ABAT: variants seen among roughly 807,000 people sequenced by gnomAD.
ABAT encodes 4-aminobutyrate aminotransferase, mitochondrial.
A neutral mutation model predicts 64.6 loss-of-function variants in ABAT; 45 were observed. The observed-to-expected ratio is 0.70, with a 90% CI of 0.55 to 0.89. ABAT has a LOEUF of 0.89. Among genes scored for constraint, ABAT ranks in the 40% least tolerant of loss-of-function variants. ABAT has a pLI of 0.00. For missense variants in ABAT, 633 were observed against 658.4 expected (o/e 0.96, Z 0.42); for synonymous variants, 297 against 250.5 (o/e 1.19, Z -1.75).
intron 1 of ABAT, among the ~76,000 whole-genome samples, chr16:8,708,044 C>G (rs1316188798): frequency 1.3e-5 from 2 of 152,200 alleles, no homozygotes; most frequent in African/African-American, 4.8e-5. Flanking sequence ...AACCAGTGGA[C>G]TTCCTGATAT....
rs909908041 is a variant in ABAT, at chr16:8,776,224, T to G, written c.1123-120T>G. Reference sequence around the variant, plus strand: ...GGTGTGTTCCCCTGCCAGCCTCTGGTAGATGCCCACTAGATTAGTTTCTCT... The same window carrying G: ...GGTGTGTTCCCCTGCCAGCCTCTGGGAGATGCCCACTAGATTAGTTTCTCT... On this transcript the variant is annotated intron_variant, in intron 13 of 15. Transcript: ENST00000268251. This position sits in a 1 kb window ranked among gnomAD's most constrained non-coding sequence, Gnocchi z 4.4. 7.2e-7 allele frequency: 1 copy of G among 1,387,224 alleles called. No homozygotes were observed. The highest frequency in any genetic ancestry group is 1.4e-5 in the African/African-American group (1 of 70,546). 85.9% of individuals were successfully genotyped at this position (1,387,224 alleles called of 1,614,324 possible).
Position 8,764,729 on chromosome 16 carries a change from T to G in ABAT, c.448-9T>G. 2 of 1,613,694 alleles carry G rather than the reference T, an allele frequency of 1.2e-6. No homozygotes were observed. Among genetic ancestry groups the G allele is most frequent in the Non-Finnish European group, 1.7e-6 (2 of 1,179,734 alleles). ...GAGCCTGGGCTCACGGCTATTTCCC[T>G]CCCCACAGGTGGCTCCCAAAGGGAT... is the stretch of plus-strand genomic sequence containing the variant. On this transcript the variant is annotated splice_polypyrimidine_tract_variant and intron_variant, in intron 7 of 15. Transcript: ENST00000268251. This position sits in a 1 kb window ranked among gnomAD's most constrained non-coding sequence, Gnocchi z 4.2.
intron 1 of ABAT, among the ~76,000 whole-genome samples, chr16:8,712,404 G>A (rs541756283): frequency 6.6e-6 from 1 of 152,172 alleles, no homozygotes; most frequent in Admixed American, 6.5e-5. Flanking sequence ...TAATGGTAGA[G>A]GCTAGTAGTG....
chr16:8,768,304 A>G, intron 10 of ABAT, 48 bp downstream of exon 10: 1 of 1,581,456 alleles, frequency 6.3e-7, no homozygotes, highest in Non-Finnish European at 8.7e-7. Flanking sequence ...GAATAGTAAT[A>G]ATAACGGCAA....
chr16:8,690,589 T>C (rs2057556854), intron 1 of ABAT, among the ~76,000 whole-genome samples: 1 of 152,220 alleles, frequency 6.6e-6, no homozygotes, highest in Admixed American at 6.5e-5. Flanking sequence ...TTCTGAGATG[T>C]TTCCAATCTG....
Position 8,782,640 on chromosome 16 carries a change from T to C in ABAT, c.*1210T>C, listed in dbSNP as rs17674530. 9,040 of 152,382 alleles carry C rather than the reference T, an allele frequency of 0.059. 319 individuals are homozygous for C. The highest frequency in any genetic ancestry group is 0.098 in the East Asian group (507 of 5,186). The allele number at this position is 152,382 out of a possible 1,614,324, so 9.4% of individuals were successfully genotyped here. A position where few individuals can be genotyped will look rare whatever the true frequency, so the allele number is the denominator to read the frequency against. On this transcript the variant is annotated 3_prime_UTR_variant, in exon 16 of 16. Transcript: ENST00000268251. ...AGTATGGAGATTACCAGGCAGATGA[T>C]ACCGAAATGCTTAAAGGGGCTGTGG...
At chr16:8,760,137 C>T (rs1385965116) in intron 6 of ABAT, 1 of 152,220 alleles carries the variant, frequency 6.6e-6, no homozygotes, top group East Asian at 1.9e-4. Context: ...AGATACGAAG[C>T]TTGGAGTAGA....
rs1044488037 is a variant in ABAT, at chr16:8,776,425, G to A, written c.1204G>A (p.Glu402Lys). 1.2e-6 allele frequency: 2 copies of A among 1,614,210 alleles called. No individual in the cohort carries two copies. The highest frequency in any genetic ancestry group is 2.2e-5 in the East Asian group (1 of 44,884). The change falls in exon 14 of 16, where the codon GAG becomes AAG. Residue 402 changes from glutamate (E) to lysine (K), a missense_variant. Coordinates refer to ENST00000268251, the MANE Select transcript of ABAT (RefSeq NM_020686.6). This position sits in a 1 kb window ranked among gnomAD's most constrained non-coding sequence, Gnocchi z 4.4. ...TGAGGTCATCAACATCATCAAGCGG[G>A]AGGACCTGCTAAATAATGCAGCCCA... ...LAEVINIIKR[E>K]DLLNNAAHAG...
At chr16:8,678,948 T>C (rs2057266810) in intron 1 of ABAT, among the ~76,000 whole-genome samples, 1 of 152,132 alleles carries the variant, frequency 6.6e-6, no homozygotes, top group African/African-American at 2.4e-5. Flanking sequence ...AGGACCTAGA[T>C]AGTATGTATG....
intron 1 of ABAT, among the ~76,000 whole-genome samples, chr16:8,697,861 T>C (rs1246739090): frequency 6.6e-6 from 1 of 152,152 alleles, no homozygotes; most frequent in African/African-American, 2.4e-5. Flanking sequence ...GGTCGCAAAC[T>C]CCTGACCTCA....
intron 1 of ABAT, among the ~76,000 whole-genome samples, chr16:8,729,636 C>T (rs1640991): frequency 0.99 from 149,910 of 152,078 alleles, 73,931 homozygotes; most frequent in Middle Eastern, 1. Flanking sequence ...CTGGGCAACA[C>T]AGCGAGACCC....
intron 1 of ABAT, among the ~76,000 whole-genome samples, chr16:8,708,508 C>T (rs1484585722): frequency 6.6e-6 from 1 of 152,100 alleles, no homozygotes; most frequent in South Asian, 2.1e-4. Flanking sequence ...ACTTTGTTGC[C>T]CAGGCTGGTC....
Position 8,781,102 on chromosome 16 carries a change from G to A in ABAT, c.1382-207G>A. The A allele has an allele frequency of 3.9e-6, 3 of 769,540 alleles. No homozygotes were observed. In the Admixed American group the frequency reaches 5.3e-5, roughly 14 times the overall value. 47.7% of individuals were successfully genotyped at this position (769,540 alleles called of 1,614,324 possible). On this transcript the variant is annotated intron_variant, in intron 15 of 15. Transcript: ENST00000268251. This position sits in a 1 kb window ranked among gnomAD's most constrained non-coding sequence, Gnocchi z 4.5. The stretch of plus-strand genomic sequence containing the variant: ...GAAGGAAAGGAAGAAGAGAATGATG[G>A]AGGAGATGAATGAGGGGAGAGAGAA...
intron 1 of ABAT, among the ~76,000 whole-genome samples, chr16:8,690,897 G>C (rs76359464): frequency 0.028 from 4,328 of 152,242 alleles, 99 homozygotes; most frequent in Non-Finnish European, 0.038. Flanking sequence ...GGTGGCCGCT[G>C]TGTTCTTTGT....
At chr16:8,751,166 C>G (rs2059470049) in intron 5 of ABAT, among the ~76,000 whole-genome samples, 1 of 152,050 alleles carries the variant, frequency 6.6e-6, no homozygotes, top group Non-Finnish European at 1.5e-5. Flanking sequence ...CCAGGGTAGT[C>G]TAGAACTCCT....
At position 8,764,366 on chromosome 16, in the gene ABAT, G is replaced by C. The variant is rs1386362551; in HGVS notation, c.447+217G>C. On this transcript the variant is annotated intron_variant, in intron 7 of 15. Transcript: ENST00000268251. The surrounding 1 kb of genome is among the most constrained non-coding windows in gnomAD (Gnocchi z 4.2). The stretch of plus-strand genomic sequence containing the variant: ...GGAGCTGGGGAAATGAATATGTGTC[G>C]CATGATAGGAGCCTTGCATATGTCA... Among the ~76,000 whole-genome samples the C allele has an allele frequency of 6.6e-6, 1 of 152,138 alleles. No homozygotes were observed. Among genetic ancestry groups the C allele is most frequent in the African/African-American group, 2.4e-5 (1 of 41,432 alleles).
rs1044386466 is a variant in ABAT at position 8,772,786 on chromosome 16, G to A, written c.823G>A (p.Asp275Asn). ...TTTCCCCTTTGGGATCCAGGTGGAG[G>A]ATCTGATTGTGAAATATCGGAAAAA... ...EEARCLEEVE[D>N]LIVKYRKKKK... Residue 275 changes from aspartate to asparagine, a missense_variant, in exon 12 of 16, where the codon GAT (aspartate) becomes AAT (asparagine). By Grantham distance (23) the Asp-to-Asn change is conservative. Transcript: ENST00000268251. 6.2e-7 allele frequency: 1 copy of A among 1,614,128 alleles called. No homozygotes were observed. Among genetic ancestry groups the A allele is most frequent in the Non-Finnish European group, 8.5e-7 (1 of 1,180,030 alleles).
chr16:8,676,713 A>T (rs1188139224), intron 1 of ABAT, among the ~76,000 whole-genome samples: 1 of 152,200 alleles, frequency 6.6e-6, no homozygotes, highest in Non-Finnish European at 1.5e-5. Context: ...CAGGAACCTC[A>T]CTTGCATAGC....
chr16:8,735,601 A>C (rs1322128067), intron 1 of ABAT, 98 bp from the exon 2 acceptor site: 9 of 997,438 alleles, frequency 9.0e-6, no homozygotes, highest in Middle Eastern at 2.0e-4. Context: ...ATGTCAGAAG[A>C]ACTTTCTCTA....
Sources: allele counts gnomAD v4.1 joint callset (sites outside exome capture counted in the v4.1 genomes callset), GRCh38; gene constraint gnomAD v4.1.1; non-coding constraint Gnocchi (gnomAD v3.1); transcripts MANE v1.5; gene names NCBI Gene and HGNC (gene_info 2026-07-23, HGNC 2026-07-21).